The following KIAA1549L variants were observed in gnomAD, a reference collection of about 807,000 sequenced individuals.
KIAA1549L encodes KIAA1549 like, also known as UPF0606 protein KIAA1549L.
KIAA1549L carries 88 observed loss-of-function variants against 160.7 expected under a neutral mutation model. That is an observed-to-expected ratio of 0.55 (90% confidence interval 0.46 to 0.65). The LOEUF (loss-of-function observed/expected upper bound fraction) is 0.65, where lower values mean the gene tolerates loss of function less well. Among genes scored for constraint, KIAA1549L ranks in the 30% least tolerant of loss-of-function variants. The pLI is 0.00. For missense variants in KIAA1549L, 2,258 were observed against 2,437.5 expected (o/e 0.93, Z 1.55); for synonymous variants, 950 against 976.7 (o/e 0.97, Z 0.51).
rs34318886 is a variant in KIAA1549L, at chr11:33,420,225, T to G, written c.238+43336T>G. On this transcript the variant is annotated intron_variant, in intron 1 of 20. Coordinates refer to ENST00000658780, the MANE Select transcript of KIAA1549L (RefSeq NM_012194.3). ...AAGAATCTTGGTTTGTATCTCAAAG[T>G]TTTTTTTTTGTTTTTTTTTTTTTTT... 7.1e-5 allele frequency among the ~76,000 whole-genome samples: 5 copies of G among 70,192 alleles called. No individual in the cohort carries two copies. In the East Asian group the frequency reaches 1.6e-3, roughly 23 times the overall value. The allele number at this position is 70,192 out of a possible 152,430, so 46.0% of individuals were successfully genotyped here.
At chr11:33,440,383 G>A (rs1851476817) in intron 1 of KIAA1549L, among the ~76,000 whole-genome samples, 1 of 151,858 alleles carries the variant, frequency 6.6e-6, no homozygotes, top group Non-Finnish European at 1.5e-5. Flanking sequence ...GCCCGCCTCG[G>A]CCTCCCAAAG....
intron 16 of KIAA1549L, among the ~76,000 whole-genome samples, chr11:33,623,150 T>C (rs1851005620): frequency 6.6e-6 from 1 of 152,170 alleles, no homozygotes; most frequent in East Asian, 1.9e-4. Flanking sequence ...CCCCAGCACC[T>C]TACAGCTTTG....
In KIAA1549L at chr11:33,501,345, A is replaced by C. The variant is rs527550262; in HGVS notation, c.239-40457A>C. On this transcript the variant is annotated intron_variant, in intron 1 of 20. Coordinates refer to ENST00000658780, the MANE Select transcript of KIAA1549L (RefSeq NM_012194.3). ...TGCTGGTGCTGTCAAAAAATTGGGA[A>C]TTAAGCAGATTTAGATAACATATCT... is the stretch of plus-strand genomic sequence containing the variant. Among the ~76,000 whole-genome samples, 5 of 152,344 alleles carry C rather than the reference A, an allele frequency of 3.3e-5. No homozygotes were observed. In the East Asian group the frequency reaches 9.6e-4, roughly 29 times the overall value.
chr11:33,592,400 C>T (rs1233128773), intron 12 of KIAA1549L, among the ~76,000 whole-genome samples: 1 of 152,130 alleles, frequency 6.6e-6, no homozygotes, highest in African/African-American at 2.4e-5. Context: ...TAAGACTTTG[C>T]AATAGCCTTA....
At chr11:33,414,731 A>G (rs555990517) in intron 1 of KIAA1549L, among the ~76,000 whole-genome samples, 5 of 152,290 alleles carry the variant, frequency 3.3e-5, no homozygotes, top group African/African-American at 1.2e-4. Flanking sequence ...TATTGTTTTA[A>G]TGTACATTAC....
chr11:33,553,304 G>GT (rs1854533218), intron 6 of KIAA1549L, among the ~76,000 whole-genome samples: 1 of 39,922 alleles, frequency 2.5e-5, no homozygotes. Flanking sequence ...CTGGTGCGCT[G>GT]TATTTTTTTT....
chr11:33,398,481 T>C (rs1590218776), intron 1 of KIAA1549L, among the ~76,000 whole-genome samples: 1 of 152,158 alleles, frequency 6.6e-6, no homozygotes, highest in Admixed American at 6.5e-5. Context: ...TTGGGTGTGA[T>C]TGAACTCTCA....
intron 11 of KIAA1549L, among the ~76,000 whole-genome samples, chr11:33,587,383 C>G (rs758055966): frequency 9.2e-5 from 14 of 152,172 alleles, no homozygotes; most frequent in Non-Finnish European, 1.3e-4. Flanking sequence ...AGCTAAAAGA[C>G]CGCTACCCTG....
chr11:33,458,678 T>C (rs142868936), intron 1 of KIAA1549L, among the ~76,000 whole-genome samples: 53 of 152,284 alleles, frequency 3.5e-4, no homozygotes, highest in African/African-American at 1.3e-3. Context: ...TGAATAGTAT[T>C]CAGGGTACAG....
rs1852578911 is a variant in KIAA1549L, at chr11:33,488,404, AT to A, written c.239-53394del. Among the ~76,000 whole-genome samples, 5 of 152,332 alleles carry A rather than the reference AT, an allele frequency of 3.3e-5. No individual in the cohort carries two copies. The South Asian group carries it at 1.0e-3, about 32-fold the overall frequency. On this transcript the variant is annotated intron_variant, in intron 1 of 20. Coordinates refer to ENST00000658780, the MANE Select transcript of KIAA1549L (RefSeq NM_012194.3). ...AGTTGTCAAAGGTAAAATATTGTAC[AT>A]TTTAATGGGAAGGGAGGCCAAAATG...
intron 10 of KIAA1549L, among the ~76,000 whole-genome samples, chr11:33,577,293 G>C (rs1405504276): frequency 6.6e-6 from 1 of 152,226 alleles, no homozygotes; most frequent in African/African-American, 2.4e-5. Context: ...GACAGCAAAA[G>C]AGAGGAAATC....
At chr11:33,505,753 C>T (rs1392136119) in intron 1 of KIAA1549L, among the ~76,000 whole-genome samples, 2 of 152,180 alleles carry the variant, frequency 1.3e-5, no homozygotes, top group African/African-American at 4.8e-5. Context: ...CCCTTTGATC[C>T]TTCGCACCTG....
At chr11:33,523,787 T>G (rs898387500) in intron 1 of KIAA1549L, among the ~76,000 whole-genome samples, 1 of 152,236 alleles carries the variant, frequency 6.6e-6, no homozygotes, top group African/African-American at 2.4e-5. Flanking sequence ...TTATGTGTTA[T>G]TAAATAATTT....
At chr11:33,427,897 T>A (rs555023499) in intron 1 of KIAA1549L, among the ~76,000 whole-genome samples, 1 of 152,372 alleles carries the variant, frequency 6.6e-6, no homozygotes, top group African/African-American at 2.4e-5. Flanking sequence ...ACTTAATTCA[T>A]TTAGCATAAT....
chr11:33,642,241 A>T (rs1229070648), intron 16 of KIAA1549L, among the ~76,000 whole-genome samples: 1 of 152,208 alleles, frequency 6.6e-6, no homozygotes, highest in Non-Finnish European at 1.5e-5. Flanking sequence ...TCTTATTGTC[A>T]TGCAACTCAT....
chr11:33,591,930 G>T (rs1414738797), intron 12 of KIAA1549L, among the ~76,000 whole-genome samples: 3 of 152,226 alleles, frequency 2.0e-5, no homozygotes, highest in Admixed American at 6.5e-5. Context: ...GGAATACCGA[G>T]GATGAGGTAT....
chr11:33,558,154 G>A (rs1486734717), intron 6 of KIAA1549L, among the ~76,000 whole-genome samples: 1 of 152,176 alleles, frequency 6.6e-6, no homozygotes, highest in Non-Finnish European at 1.5e-5. Context: ...GAAGGTGGCA[G>A]AGATGTTAAT....
chr11:33,471,101 A>G (rs1852168952), intron 1 of KIAA1549L, among the ~76,000 whole-genome samples: 1 of 152,132 alleles, frequency 6.6e-6, no homozygotes. Context: ...GACTACACGC[A>G]TGCCGCTGCA....
In KIAA1549L at chr11:33,672,102, G is replaced by A. The variant is rs544931821; in HGVS notation, c.*3948G>A. ...GGGACATTTCACAAACACAGAACAC[G>A]GCTCCCCTACAGGAAAGGGATGGAG... On this transcript the variant is annotated 3_prime_UTR_variant, in exon 21 of 21. Transcript: ENST00000658780. 3 of 152,324 alleles carry A rather than the reference G, an allele frequency of 2.0e-5. No individual in the cohort carries two copies. The highest frequency in any genetic ancestry group is 6.5e-5 in the Admixed American group (1 of 15,302). The allele number at this position is 152,324 out of a possible 1,614,324, so 9.4% of individuals were successfully genotyped here. A position where few individuals can be genotyped will look rare whatever the true frequency, so the allele number is the denominator to read the frequency against.
Sources: allele counts gnomAD v4.1 joint callset (sites outside exome capture counted in the v4.1 genomes callset), GRCh38; gene constraint gnomAD v4.1.1; transcripts MANE v1.5; gene names NCBI Gene and HGNC (gene_info 2026-07-23, HGNC 2026-07-21).